Variants in CTNNA2 observed in about 807,000 individuals in gnomAD.
CTNNA2 encodes catenin alpha 2, also known as catenin alpha-2.
Under a neutral mutation model 101.0 loss-of-function variants are expected in CTNNA2, and 42 were observed. The ratio of observed to expected loss-of-function variants is 0.42; its 90% CI spans 0.32 to 0.54. CTNNA2 has a LOEUF of 0.54. Among genes scored for constraint, CTNNA2 ranks in the 20% least tolerant of loss-of-function variants. CTNNA2 has a pLI of 0.14. For synonymous variants in CTNNA2, 450 were observed against 456.4 expected (o/e 0.99, Z 0.18); for missense variants, 871 against 1,223.1 (o/e 0.71, Z 4.29).
intron 9 of CTNNA2, among the ~76,000 whole-genome samples, chr2:80,445,518 A>G (rs908770652): frequency 2.0e-5 from 3 of 152,136 alleles, no homozygotes; most frequent in Non-Finnish European, 4.4e-5. Context: ...CTTTAAATTT[A>G]TGTTTGCCTA....
intron 3 of CTNNA2, among the ~76,000 whole-genome samples, chr2:79,835,880 C>T (rs1422524366): frequency 1.3e-5 from 2 of 151,998 alleles, no homozygotes; most frequent in East Asian, 1.9e-4. Context: ...ATCCACCTGC[C>T]TCGGCATCCC....
upstream of CTNNA2, among the ~76,000 whole-genome samples, chr2:79,510,185 G>A (rs1470943737): frequency 6.6e-6 from 1 of 152,096 alleles, no homozygotes; most frequent in Non-Finnish European, 1.5e-5. Context: ...TGATCCTTTT[G>A]TTTGATATTT....
At position 79,747,173 on chromosome 2, in the gene CTNNA2, C is replaced by T. The variant is rs930594135; in HGVS notation, c.298+2591C>T. Among the ~76,000 whole-genome samples the T allele has an allele frequency of 2.6e-5, 4 of 152,120 alleles. No homozygotes were observed. In the South Asian group the frequency reaches 6.2e-4, roughly 24 times the overall value. ...CTTAAATTATTACTTTAATTTGCAA[C>T]GTTAAATGTGCCACATTTTATCTAT... On this transcript the variant is annotated intron_variant, in intron 3 of 18. Transcript: ENST00000402739.
At chr2:80,352,123 T>C (rs1673358509) in intron 7 of CTNNA2, among the ~76,000 whole-genome samples, 1 of 152,184 alleles carries the variant, frequency 6.6e-6, no homozygotes, top group Non-Finnish European at 1.5e-5. Context: ...ATGTTTTTAA[T>C]ATTTTTCGAT....
At chr2:80,384,710 C>T (rs773021011) in intron 7 of CTNNA2, among the ~76,000 whole-genome samples, 6 of 151,714 alleles carry the variant, frequency 4.0e-5, no homozygotes, top group South Asian at 2.1e-4. Context: ...GGGAGAAATA[C>T]GATATTAAGA....
At chr2:79,911,051 G>T (rs1347375770) in intron 7 of CTNNA2, among the ~76,000 whole-genome samples, 1 of 152,214 alleles carries the variant, frequency 6.6e-6, no homozygotes, top group African/African-American at 2.4e-5. Flanking sequence ...GATGCATCAT[G>T]TGGCACCCAG....
chr2:79,742,842 C>A (rs182215569), intron 2 of CTNNA2, among the ~76,000 whole-genome samples: 2 of 152,296 alleles, frequency 1.3e-5, no homozygotes, highest in East Asian at 1.9e-4. Flanking sequence ...ATTTAGCAAT[C>A]AAAAGAGAGC....
chr2:80,637,870 TCA>T (rs1673045337), intron 18 of CTNNA2, among the ~76,000 whole-genome samples: 3 of 152,150 alleles, frequency 2.0e-5, no homozygotes, highest in Admixed American at 6.5e-5. Flanking sequence ...TACTTTTCTC[TCA>T]GTGATTATGC....
At chr2:79,304,017 T>C (rs78924597) in intron 2 of CTNNA2, among the ~76,000 whole-genome samples, 10,320 of 152,174 alleles carry the variant, frequency 0.068, 473 homozygotes, top group East Asian at 0.13. Context: ...ATGCTGCTAC[T>C]GGGAGCACTC....
chr2:80,006,807 C>T (rs1013960473), intron 7 of CTNNA2, among the ~76,000 whole-genome samples: 36 of 152,180 alleles, frequency 2.4e-4, no homozygotes, highest in South Asian at 2.1e-4. Flanking sequence ...CCATTAATTG[C>T]GCTACCTCCT....
At chr2:79,538,642 G>A (rs555710376) in intron 1 of CTNNA2, among the ~76,000 whole-genome samples, 17 of 152,316 alleles carry the variant, frequency 1.1e-4, no homozygotes, top group Non-Finnish European at 2.4e-4. Context: ...ATGACCCAAA[G>A]TAGGGGAGCT....
At chr2:79,189,497 A>G (rs1280460635) in intron 1 of CTNNA2, among the ~76,000 whole-genome samples, 1 of 152,190 alleles carries the variant, frequency 6.6e-6, no homozygotes, top group Non-Finnish European at 1.5e-5. Flanking sequence ...ACTTGACAAG[A>G]TAAGGAAACA....
chr2:79,448,876 A>T (rs1678860031), intron 4 of CTNNA2, among the ~76,000 whole-genome samples: 1 of 152,046 alleles, frequency 6.6e-6, no homozygotes, highest in South Asian at 2.1e-4. Context: ...ACGTTTTGAA[A>T]ATTGTTGAAA....
intron 4 of CTNNA2, among the ~76,000 whole-genome samples, chr2:79,406,248 G>C (rs1027782743): frequency 3.3e-5 from 5 of 152,086 alleles, no homozygotes; most frequent in African/African-American, 1.2e-4. Context: ...GCGGCCTGAA[G>C]TTCAGAGTAA....
intron 13 of CTNNA2, among the ~76,000 whole-genome samples, chr2:80,577,593 A>C (rs954887484): frequency 6.6e-6 from 1 of 152,066 alleles, no homozygotes; most frequent in Admixed American, 6.6e-5. Context: ...ATGGGGCAAG[A>C]GCAGAAGCAA....
At chr2:79,521,537 C>T (rs771815945) in intron 1 of CTNNA2, among the ~76,000 whole-genome samples, 7 of 152,100 alleles carry the variant, frequency 4.6e-5, no homozygotes, top group Non-Finnish European at 1.0e-4. Context: ...ATGATAGGCG[C>T]TTAGACTAAA....
chr2:79,609,819 A>G (rs1678146909), intron 1 of CTNNA2, among the ~76,000 whole-genome samples: 1 of 152,164 alleles, frequency 6.6e-6, no homozygotes, highest in Admixed American at 6.5e-5. Context: ...ATGGATTCTG[A>G]CGATACAATC....
intron 13 of CTNNA2, chr2:80,575,183 A>G (rs1558604653): frequency 6.6e-6 from 1 of 151,798 alleles, no homozygotes; most frequent in Non-Finnish European, 1.5e-5. Context: ...TATTGCTATT[A>G]TATTTGAAGC....
intron 4 of CTNNA2, among the ~76,000 whole-genome samples, chr2:79,409,349 G>A (rs999150807): frequency 6.6e-6 from 1 of 152,076 alleles, no homozygotes; most frequent in African/African-American, 2.4e-5. Flanking sequence ...ATTGCTTTTG[G>A]TGTTTTAGAC....
Sources: allele counts gnomAD v4.1 joint callset (sites outside exome capture counted in the v4.1 genomes callset), GRCh38; gene constraint gnomAD v4.1.1; transcripts MANE v1.5; gene names NCBI Gene and HGNC (gene_info 2026-07-23, HGNC 2026-07-21).